The following HERC2 variants were observed in gnomAD, a reference collection of about 807,000 sequenced individuals.
The protein encoded by HERC2 is HECT and RLD domain containing E3 ubiquitin protein ligase 2, also known as E3 ubiquitin-protein ligase HERC2.
HERC2 carries 102 observed loss-of-function variants against 537.7 expected under a neutral mutation model. The observed-to-expected ratio is 0.19, with a 90% confidence interval of 0.16 to 0.22. The LOEUF is 0.22. Ranked by LOEUF, HERC2 falls within the 10% of genes least tolerant of loss-of-function variation. The probability of loss-of-function intolerance (pLI) is 1.00; values close to 1 mark genes in which losing one functional copy is unlikely to be tolerated. For synonymous variants in HERC2, 2,224 were observed against 2,466.2 expected, an observed-to-expected ratio of 0.90 and a Z score of 2.91; for missense variants, 4,236 against 6,198.2, an observed-to-expected ratio of 0.68 and a Z score of 10.63.
intron 2 of HERC2, among the ~76,000 whole-genome samples, chr15:28,301,699 T>TA (rs1243371605): frequency 1.5e-5 from 2 of 134,250 alleles, no homozygotes; most frequent in African/African-American, 2.6e-5. Context: ...TTTTTTTTTT[T>TA]AAACTTCTGT....
At chr15:28,269,130 A>G in intron 11 of HERC2, 118 bp downstream of exon 11, 1 of 740,234 alleles carries the variant, frequency 1.4e-6, no homozygotes. Context: ...TACAATAAAC[A>G]GAACTTTGTC....
chr15:28,133,927 C>T (rs8031458), intron 79 of HERC2, among the ~76,000 whole-genome samples: 11,560 of 152,168 alleles, frequency 0.076, 1,518 homozygotes, highest in African/African-American at 0.27. Flanking sequence ...GCAAATCTTC[C>T]GACCTTTTCC....
rs548751888 is a variant in HERC2, at chr15:28,169,357, A to T, written c.10229+127T>A. ...CACCATCAAAGAACTTGTGACTTAC[A>T]ACATACAGCATTTAAAGACAATAAT... On this transcript the variant is annotated intron_variant, in intron 66 of 92. Coordinates refer to ENST00000261609, the MANE Select transcript of HERC2 (RefSeq NM_004667.6). 113 of 634,194 alleles carry T rather than the reference A, an allele frequency of 1.8e-4. 2 individuals carry two copies. The Admixed American group carries it at 3.1e-3, about 17-fold the overall frequency. The allele number at this position is 634,194 out of a possible 1,614,324, so 39.3% of individuals were successfully genotyped here. A position where few individuals can be genotyped will look rare whatever the true frequency, so the allele number is the denominator to read the frequency against.
chr15:28,284,230 C>T (rs1359706235), intron 4 of HERC2, among the ~76,000 whole-genome samples: 1 of 151,686 alleles, frequency 6.6e-6, no homozygotes, highest in African/African-American at 2.4e-5. Context: ...AGAAAAGCCA[C>T]TAAAGAAGCT....
At chr15:28,195,783 G>T (rs1897297235) in intron 52 of HERC2, among the ~76,000 whole-genome samples, 1 of 152,086 alleles carries the variant, frequency 6.6e-6, no homozygotes. Context: ...CTGTACTTAA[G>T]GTACTTAATA....
At chr15:28,299,732 T>C (rs2076567971) in intron 2 of HERC2, among the ~76,000 whole-genome samples, 1 of 152,220 alleles carries the variant, frequency 6.6e-6, no homozygotes, top group Admixed American at 6.5e-5. Flanking sequence ...ATAAATACTA[T>C]GCTACCTCTT....
chr15:28,310,858 A>T, intron 2 of HERC2, among the ~76,000 whole-genome samples: 1 of 152,054 alleles, frequency 6.6e-6, no homozygotes, highest in Non-Finnish European at 1.5e-5. Context: ...CGGGTGGATC[A>T]TGAAGTCAGG....
chr15:28,153,759 C>T (rs1892700592), intron 69 of HERC2, among the ~76,000 whole-genome samples: 1 of 152,208 alleles, frequency 6.6e-6, no homozygotes, highest in Admixed American at 6.5e-5. Flanking sequence ...CTTCATTTTA[C>T]ACCAAGACAA....
intron 70 of HERC2, among the ~76,000 whole-genome samples, chr15:28,151,058 T>G (rs748193583): frequency 2.3e-4 from 35 of 152,334 alleles, no homozygotes; most frequent in Non-Finnish European, 4.1e-4. Context: ...TGCAGTATAA[T>G]TATTTTAATA....
At chr15:28,239,200 T>C (rs1327861269) in intron 23 of HERC2, among the ~76,000 whole-genome samples, 1 of 151,908 alleles carries the variant, frequency 6.6e-6, no homozygotes, top group Admixed American at 6.5e-5. Flanking sequence ...AATTAGAAAA[T>C]GTGTTCAATT....
chr15:28,171,935 C>T (rs376723119), intron 65 of HERC2, among the ~76,000 whole-genome samples: 15 of 151,684 alleles, frequency 9.9e-5, no homozygotes, highest in East Asian at 9.6e-4. Flanking sequence ...ATTAGCCGGG[C>T]GTGGTGGCAG....
At position 28,213,843 on chromosome 15, in the gene HERC2, C is replaced by T; in HGVS notation, c.6685G>A (p.Gly2229Arg). Reference protein sequence around the residue: ...LGGQVMHDEFGEGTVTRITPK... With the variant: ...LGGQVMHDEFREGTVTRITPK... ...GTGATGCGAGTCACAGTGCCTTCTCCAAACTCATCGTGCATAACTTGACCG... is the reference window on the plus strand; with the variant it reads ...GTGATGCGAGTCACAGTGCCTTCTCTAAACTCATCGTGCATAACTTGACCG... The change falls in exon 42 of 93, where the codon GGA (glycine) becomes AGA (arginine). Residue 2229 changes from glycine (G) to arginine (R), a missense_variant. Around this residue, in one of 27 missense-constraint regions of HERC2, gnomAD observed 365 missense variants for 468.8 expected, o/e 0.78. Transcript: ENST00000261609. 1 of 1,614,024 alleles carries T rather than the reference C, an allele frequency of 6.2e-7. No individual in the cohort carries two copies. The highest frequency in any genetic ancestry group is 8.5e-7 in the Non-Finnish European group (1 of 1,179,896).
chr15:28,144,178 A>G lies in HERC2; in HGVS notation c.11198T>C (p.Val3733Ala). 6.2e-7 allele frequency: 1 copy of G among 1,614,232 alleles called. No individual in the cohort carries two copies. Among genetic ancestry groups the G allele is most frequent in the Non-Finnish European group, 8.5e-7 (1 of 1,180,054 alleles). The change falls in exon 73 of 93, where the codon GTG (valine) becomes GCG (alanine). Residue 3733 changes from valine (V) to alanine (A), a missense_variant. Around this residue, in one of 27 missense-constraint regions of HERC2, gnomAD observed 109 missense variants for 133.5 expected, o/e 0.82. Transcript: ENST00000261609. ...CVLSCPSMDLVTCLLDFRLNL... is the reference protein window; with the variant it reads ...CVLSCPSMDLATCLLDFRLNL... ...GAGTCGGAAGTCTAACAGACACGTC[A>G]CCAAGTCCATGGATGGACAGGAGAG... is the stretch of plus-strand genomic sequence containing the variant.
intron 21 of HERC2, 39 bp downstream of exon 21, chr15:28,248,513 G>C: frequency 6.6e-7 from 1 of 1,519,878 alleles, no homozygotes; most frequent in South Asian, 1.1e-5. Flanking sequence ...AACGAGCCCC[G>C]ATCACATACA....
intron 78 of HERC2, among the ~76,000 whole-genome samples, chr15:28,136,476 C>A (rs8033795): frequency 0.042 from 6,368 of 152,264 alleles, 409 homozygotes; most frequent in African/African-American, 0.14. Flanking sequence ...GCATGCCTCC[C>A]AGGACTTCCT....
In HERC2 at chr15:28,114,641, C is replaced by A; in HGVS notation, c.13884G>T (p.Ala4628=). ...AGTTTATCGCCAGCCGCACGTACTC[C>A]GCGCGGTTGTCCAGGGTGATGTGTG... The part of the protein sequence containing the change: ...KHTHITLDNR[A]EYVRLAINYR... The change falls in exon 90 of 93, where the codon GCG becomes GCT. Residue 4628 remains alanine, a synonymous_variant. Coordinates refer to ENST00000261609, the MANE Select transcript of HERC2 (RefSeq NM_004667.6). 6.2e-7 allele frequency: 1 copy of A among 1,614,030 alleles called. No individual in the cohort carries two copies. Among genetic ancestry groups the A allele is most frequent in the Non-Finnish European group, 8.5e-7 (1 of 1,180,014 alleles).
chr15:28,289,736 G>A (rs889720728), intron 4 of HERC2, among the ~76,000 whole-genome samples: 2 of 152,232 alleles, frequency 1.3e-5, no homozygotes, highest in Non-Finnish European at 2.9e-5. Context: ...ACGGGACATG[G>A]CTCCCTGGAA....
intron 44 of HERC2, among the ~76,000 whole-genome samples, chr15:28,207,083 A>G (rs931494609): frequency 1.3e-5 from 2 of 150,868 alleles, no homozygotes; most frequent in African/African-American, 4.9e-5. Flanking sequence ...TCATTAGTGC[A>G]TCTGTCTCTT....
intron 4 of HERC2, among the ~76,000 whole-genome samples, chr15:28,288,014 TC>T (rs2076207443): frequency 6.6e-6 from 1 of 152,080 alleles, no homozygotes; most frequent in Admixed American, 6.5e-5. Context: ...GAGCCACTGC[TC>T]CCAGCCACTT....
Sources: allele counts gnomAD v4.1 joint callset (sites outside exome capture counted in the v4.1 genomes callset), GRCh38; gene constraint gnomAD v4.1.1; regional missense constraint gnomAD v4.1.1; transcripts MANE v1.5; gene names NCBI Gene and HGNC (gene_info 2026-07-23, HGNC 2026-07-21).